IL36B: variants seen among roughly 807,000 people sequenced by gnomAD.
IL36B encodes interleukin 36 beta, also known as interleukin-36 beta.
Under a neutral mutation model 19.3 loss-of-function variants are expected in IL36B, and 23 were observed. The ratio of observed to expected loss-of-function variants is 1.19; its 90% CI spans 0.86 to 1.69. The LOEUF (loss-of-function observed/expected upper bound fraction) is 1.69, where lower values mean the gene tolerates loss of function less well. Among genes scored for constraint, IL36B ranks in the 40% most tolerant of loss-of-function variants. The pLI is 0.00. For missense variants in IL36B, 217 were observed against 200.5 expected (o/e 1.08, Z -0.50); for synonymous variants, 59 against 59.7 (o/e 0.99, Z 0.05).
chr2:113,032,281 C>G (rs1040962850), intron 1 of IL36B, among the ~76,000 whole-genome samples: 1 of 152,088 alleles, frequency 6.6e-6, no homozygotes, highest in Non-Finnish European at 1.5e-5. Flanking sequence ...CCATCTTCTT[C>G]CATTCCTCAT....
At chr2:113,047,496 T>C (rs1191363471) in intron 1 of IL36B, among the ~76,000 whole-genome samples, 2 of 152,212 alleles carry the variant, frequency 1.3e-5, no homozygotes, top group Non-Finnish European at 2.9e-5. Context: ...TTAAGGCTCT[T>C]GGCAAGAATT....
rs991064840 is a variant in IL36B at position 113,027,395 on chromosome 2, T to G, written c.262-1163A>C. Reference sequence around the variant, plus strand: ...TTGTTCAAGGGTTAAGTGTATACACTGTGTGTCAAATTATTAACGAATGAC... The same window carrying G: ...TTGTTCAAGGGTTAAGTGTATACACGGTGTGTCAAATTATTAACGAATGAC... On this transcript the variant is annotated intron_variant, in intron 4 of 5. Transcript: ENST00000259213. 9.2e-6 allele frequency: 8 copies of G among 870,330 alleles called. No homozygotes were observed. In the African/African-American group the frequency reaches 1.5e-4, roughly 16 times the overall value. The allele number at this position is 870,330 out of a possible 1,614,324, so 53.9% of individuals were successfully genotyped here.
chr2:113,034,323 C>T (rs1422719234), intron 1 of IL36B, among the ~76,000 whole-genome samples: 3 of 152,172 alleles, frequency 2.0e-5, no homozygotes, highest in Admixed American at 6.5e-5. Flanking sequence ...TCCACTCCCT[C>T]GCTTCTTCCA....
At chr2:113,023,774 A>T (rs1383315061) in intron 5 of IL36B, among the ~76,000 whole-genome samples, 8 of 152,148 alleles carry the variant, frequency 5.3e-5, no homozygotes, top group African/African-American at 1.9e-4. Flanking sequence ...CTTGTAAGTG[A>T]CTCAAACTAG....
At chr2:113,044,533 C>T (rs1685316724) in intron 1 of IL36B, among the ~76,000 whole-genome samples, 1 of 152,118 alleles carries the variant, frequency 6.6e-6, no homozygotes, top group African/African-American at 2.4e-5. Flanking sequence ...AATATAGCCA[C>T]TCCAACTTGC....
chr2:113,046,060 C>A (rs1203494309), intron 1 of IL36B, among the ~76,000 whole-genome samples: 1 of 152,062 alleles, frequency 6.6e-6, no homozygotes, highest in Non-Finnish European at 1.5e-5. Context: ...TGCATTCTTA[C>A]TTTGGAAAGC....
intron 1 of IL36B, among the ~76,000 whole-genome samples, chr2:113,042,534 A>C (rs1376554850): frequency 6.6e-6 from 1 of 152,040 alleles, no homozygotes; most frequent in African/African-American, 2.4e-5. Flanking sequence ...GCTTTCTGTC[A>C]CTATAGGTTT....
chr2:113,029,167 C>G (rs1413227194), intron 3 of IL36B, 89 bp from the exon 4 acceptor site: 67 of 1,352,124 alleles, frequency 5.0e-5, no homozygotes, highest in Admixed American at 1.2e-4. Context: ...TAGTGACAGG[C>G]TCCTCCCATT....
chr2:113,035,579 A>G (rs1685152366), intron 1 of IL36B, among the ~76,000 whole-genome samples: 1 of 152,206 alleles, frequency 6.6e-6, no homozygotes, highest in African/African-American at 2.4e-5. Context: ...ATATCCAGTG[A>G]GAAAAAAAGC....
chr2:113,030,734 C>A (rs1204951992), intron 3 of IL36B, among the ~76,000 whole-genome samples: 2 of 152,108 alleles, frequency 1.3e-5, no homozygotes, highest in Non-Finnish European at 2.9e-5. Flanking sequence ...ACACAGGTAG[C>A]AATGGTTGGA....
rs1461983657 is a variant in IL36B at position 113,026,129 on chromosome 2, G to A, written c.365C>T (p.Thr122Ile). 2 of 1,613,844 alleles carry A rather than the reference G, an allele frequency of 1.2e-6. No individual in the cohort carries two copies. Among genetic ancestry groups the A allele is most frequent in the Non-Finnish European group, 8.5e-7 (1 of 1,179,796 alleles). The change falls in exon 5 of 6, where the codon ACC becomes ATC. Residue 122 changes from threonine (T) to isoleucine (I), a missense_variant. Physicochemically the swap from Thr to Ile is moderately conservative, Grantham distance 89. Coordinates refer to ENST00000259213, the MANE Select transcript of IL36B (RefSeq NM_014438.5). ...CACTCCTATTCCCCATTGGTCAAGG[G>A]TTCCCATGAAGCAGCTCTCTCTCAC...
chr2:113,036,620 C>A (rs1461537071), intron 1 of IL36B, among the ~76,000 whole-genome samples: 2 of 152,054 alleles, frequency 1.3e-5, no homozygotes, highest in African/African-American at 4.8e-5. Flanking sequence ...TCTTCCTGCC[C>A]CCAGGAAGAA....
intron 1 of IL36B, among the ~76,000 whole-genome samples, chr2:113,052,231 C>T (rs964279328): frequency 2.0e-5 from 3 of 152,054 alleles, no homozygotes; most frequent in Admixed American, 6.6e-5. Flanking sequence ...ATTACAGGTG[C>T]GAGCCACTGC....
At chr2:113,051,042 T>A (rs1427357476) in intron 1 of IL36B, among the ~76,000 whole-genome samples, 1 of 151,644 alleles carries the variant, frequency 6.6e-6, no homozygotes, top group Non-Finnish European at 1.5e-5. Context: ...CAGCGTGGCC[T>A]CCCGATCCTT....
intron 4 of IL36B, chr2:113,027,825 C>T (rs1452952181): frequency 3.7e-5 from 57 of 1,561,260 alleles, no homozygotes; most frequent in Non-Finnish European, 4.6e-5. Flanking sequence ...TGAACTCAGT[C>T]GCATAATGAT....
At chr2:113,045,017 T>G (rs1174906156) in intron 1 of IL36B, among the ~76,000 whole-genome samples, 2 of 152,170 alleles carry the variant, frequency 1.3e-5, no homozygotes, top group Non-Finnish European at 2.9e-5. Flanking sequence ...ATATATATGT[T>G]ATAATCCTAA....
At chr2:113,045,349 T>C (rs752217875) in intron 1 of IL36B, among the ~76,000 whole-genome samples, 1 of 152,206 alleles carries the variant, frequency 6.6e-6, no homozygotes, top group Non-Finnish European at 1.5e-5. Context: ...TCCTTCTTTT[T>C]ATGTATTTGT....
Position 113,022,661 on chromosome 2 carries a change from C to T in IL36B, c.*13G>A, listed in dbSNP as rs527541079. On this transcript the variant is annotated 3_prime_UTR_variant, in exon 6 of 6. Transcript: ENST00000259213. Reference sequence around the variant, plus strand: ...CAAAGATTGTAGAGATGGGAATCTTCCTCCCCTTATTTCTACATCCTTCCT... The same window carrying T: ...CAAAGATTGTAGAGATGGGAATCTTTCTCCCCTTATTTCTACATCCTTCCT... The T allele has an allele frequency of 4.7e-6, 7 of 1,484,130 alleles. No homozygotes were observed. In the South Asian group the frequency reaches 7.9e-5, roughly 17 times the overall value. The allele number at this position is 1,484,130 out of a possible 1,614,324, so 91.9% of individuals were successfully genotyped here. A position where few individuals can be genotyped will look rare whatever the true frequency, so the allele number is the denominator to read the frequency against.
At chr2:113,044,258 A>ATGTG (rs1353432886) in intron 1 of IL36B, among the ~76,000 whole-genome samples, 5 of 131,278 alleles carry the variant, frequency 3.8e-5, no homozygotes, top group African/African-American at 1.5e-4. Flanking sequence ...ATCTATATCT[A>ATGTG]TATGTGTGTG....
Sources: allele counts gnomAD v4.1 joint callset (sites outside exome capture counted in the v4.1 genomes callset), GRCh38; gene constraint gnomAD v4.1.1; transcripts MANE v1.5; gene names NCBI Gene and HGNC (gene_info 2026-07-23, HGNC 2026-07-21).